The following DNAJC16 variants were observed in gnomAD, a reference collection of about 807,000 sequenced individuals.
The protein encoded by DNAJC16 is DnaJ heat shock protein family (Hsp40) member C16.
A neutral mutation model predicts 92.7 loss-of-function variants in DNAJC16; 76 were observed. The ratio of observed to expected loss-of-function variants is 0.82; its 90% confidence interval spans 0.68 to 0.99. The LOEUF is 0.99. DNAJC16 is among the 50% of genes least tolerant of loss of function. The pLI is 0.00. For missense variants in DNAJC16, 869 were observed against 942.4 expected (o/e 0.92, Z 1.02); for synonymous variants, 328 against 358.7 (o/e 0.91, Z 0.97).
At chr1:15,559,328 G>GCTGCATCATTGCTTTCAGCC (rs1638640491) in intron 7 of DNAJC16, among the ~76,000 whole-genome samples, 198 bp from the exon 8 acceptor site, 1 of 152,178 alleles carries the variant, frequency 6.6e-6, no homozygotes, top group African/African-American at 2.4e-5. Context: ...ACCCGAAATA[G>GCTGCATCATTGCTTTCAGCC]CTGCATCATT....
chr1:15,550,848 A>G lies in DNAJC16; in HGVS notation c.1023+2420A>G, dbSNP rs537522497. On this transcript the variant is annotated intron_variant, in intron 7 of 14. Transcript: ENST00000375847. ...CAATCACTCGCAGCAAAAACAAACC[A>G]CTAGATTCACTTCATGTATTTTGTT... Among the ~76,000 whole-genome samples the G allele has an allele frequency of 2.0e-5, 3 of 152,306 alleles. No homozygotes were observed. The South Asian group carries it at 6.2e-4, about 32-fold the overall frequency.
Position 15,563,689 on chromosome 1 carries a change from A to T in DNAJC16, c.1339-240A>T, listed in dbSNP as rs955018334. On this transcript the variant is annotated intron_variant, in intron 9 of 14. Coordinates refer to ENST00000375847, the MANE Select transcript of DNAJC16 (RefSeq NM_015291.4). ...AAAAAAAAAAAAAAAAAAAAAAAAA[A>T]ATACCAAAAATTAGCCAGGCATGGT... Among the ~76,000 whole-genome samples, 1,444 of 148,432 alleles carry T rather than the reference A, an allele frequency of 9.7e-3. 71 individuals carry two copies. Among genetic ancestry groups the T allele is most frequent in the African/African-American group, 0.033 (1,329 of 40,058 alleles).
intron 1 of DNAJC16, among the ~76,000 whole-genome samples, chr1:15,527,275 C>A (rs1232969523): frequency 6.6e-6 from 1 of 152,164 alleles, no homozygotes; most frequent in Non-Finnish European, 1.5e-5. Flanking sequence ...GCTCCGAGGT[C>A]GGCGCCGTCT....
chr1:15,552,663 T>A (rs1638472916), intron 7 of DNAJC16, among the ~76,000 whole-genome samples: 1 of 151,916 alleles, frequency 6.6e-6, no homozygotes, highest in Non-Finnish European at 1.5e-5. Context: ...TAATTTTTTT[T>A]TAAATTCTTG....
intron 5 of DNAJC16, 96 bp from the exon 6 acceptor site, chr1:15,546,671 T>C: frequency 3.1e-6 from 3 of 973,478 alleles, no homozygotes; most frequent in South Asian, 3.2e-5. Flanking sequence ...TTGCAATCTT[T>C]TACACTTACT....
chr1:15,546,979 T>C (rs1277796437), intron 6 of DNAJC16, 108 bp downstream of exon 6: 15 of 863,912 alleles, frequency 1.7e-5, no homozygotes, highest in Non-Finnish European at 2.7e-5. Context: ...CTATTTGTCT[T>C]TTTTGTAAGA....
chr1:15,562,109 T>C lies in DNAJC16; in HGVS notation c.1155-33T>C, dbSNP rs371888031. 2.7e-5 allele frequency: 43 copies of C among 1,593,220 alleles called. No homozygotes were observed. The African/African-American group carries it at 5.5e-4, about 20-fold the overall frequency. The stretch of plus-strand genomic sequence containing the variant: ...TAGGTGCTGGCCCTGCCATCAGGGA[T>C]TGGTTATAAAGTTTTGTCTTTTTGT... On this transcript the variant is annotated intron_variant, in intron 8 of 14. Transcript: ENST00000375847.
Position 15,567,822 on chromosome 1 carries a change from G to C in DNAJC16, c.1994G>C (p.Arg665Thr), listed in dbSNP as rs375697922. 38 of 1,614,076 alleles carry C rather than the reference G, an allele frequency of 2.4e-5. No individual in the cohort carries two copies. The highest frequency in any genetic ancestry group is 5.0e-5 in the Admixed American group (3 of 59,996). ...HFSFLSLDKH[R>T]EWLEYLLEFA... Reference sequence around the variant, plus strand: ...TCCTTCCTGAGTCTAGATAAACACAGAGAATGGCTAGAATACTTACTAGAA... The same window carrying C: ...TCCTTCCTGAGTCTAGATAAACACACAGAATGGCTAGAATACTTACTAGAA... The change falls in exon 15 of 15, where the codon AGA becomes ACA. Residue 665 changes from arginine to threonine, a missense_variant. Physicochemically the swap from Arg to Thr is moderately conservative, Grantham distance 71. Coordinates refer to ENST00000375847, the MANE Select transcript of DNAJC16 (RefSeq NM_015291.4).
chr1:15,556,220 GTTGTT>G lies in DNAJC16; in HGVS notation c.1024-3278_1024-3274del, dbSNP rs76260170. Among the ~76,000 whole-genome samples, 471 of 150,094 alleles carry G rather than the reference GTTGTT, an allele frequency of 3.1e-3. 6 individuals carry two copies. The highest frequency in any genetic ancestry group is 0.01 in the African/African-American group (419 of 40,710). On this transcript the variant is annotated intron_variant, in intron 7 of 14. Transcript: ENST00000375847. ...GCTGGTATAAGTAATACAGTTGTTG[GTTGTT>G]TTGTTTTGTTTTGTTTTGTTTTGTT...
chr1:15,529,237 T>C lies in DNAJC16; in HGVS notation c.132T>C (p.Asp44=), dbSNP rs1402469455. Residue 44 remains aspartate (D), a synonymous_variant, in exon 2 of 15, where the codon GAT becomes GAC. Transcript: ENST00000375847. The part of the protein sequence containing the change: ...LGVSRTASQA[D]IKKAYKKLAR... ...TCAGCCGAACAGCCAGTCAGGCTGA[T>C]ATTAAAAAGGCTTATAAGAAGCTCG... 1 of 1,613,384 alleles carries C rather than the reference T, an allele frequency of 6.2e-7. No individual in the cohort carries two copies. The highest frequency in any genetic ancestry group is 8.5e-7 in the Non-Finnish European group (1 of 1,179,572).
Position 15,569,687 on chromosome 1 carries a change from C to G in DNAJC16, c.*1510C>G, listed in dbSNP as rs1391953026. ...CAGAGTTTCACTCTTGTTGCCCAGG[C>G]TGGAGTGAAATGGTGCGATCTCGGT... is the stretch of plus-strand genomic sequence containing the variant. On this transcript the variant is annotated 3_prime_UTR_variant, in exon 15 of 15. Transcript: ENST00000375847. 6.9e-6 allele frequency: 1 copy of G among 145,572 alleles called. No homozygotes were observed. The allele number at this position is 145,572 out of a possible 1,614,324, so 9.0% of individuals were successfully genotyped here.
Position 15,536,602 on chromosome 1 carries a change from T to C in DNAJC16, c.362T>C (p.Phe121Ser), listed in dbSNP as rs913355603. 1 of 1,614,198 alleles carries C rather than the reference T, an allele frequency of 6.2e-7. No homozygotes were observed. ...RFRHFHENFY[F>S]DESFFHFPFN... ...CGCCATTTCCATGAAAATTTTTATTTTGATGAATCCTTTTTTCACTTCCCT... is the reference window on the plus strand; with the variant it reads ...CGCCATTTCCATGAAAATTTTTATTCTGATGAATCCTTTTTTCACTTCCCT... The change falls in exon 4 of 15, where the codon TTT (phenylalanine) becomes TCT (serine). Residue 121 changes from phenylalanine to serine, a missense_variant. By Grantham distance (155) the Phe-to-Ser change is radical. Transcript: ENST00000375847.
At chr1:15,546,068 G>T (rs985977788) in intron 5 of DNAJC16, among the ~76,000 whole-genome samples, 2 of 152,176 alleles carry the variant, frequency 1.3e-5, no homozygotes, top group African/African-American at 4.8e-5. Flanking sequence ...ACTTTAGGAG[G>T]CTGAGGTGTG....
rs200056658 is a variant in DNAJC16, at chr1:15,529,262, G to T, written c.157G>T (p.Ala53Ser). The part of the protein sequence containing the change: ...ADIKKAYKKL[A>S]REWHPDKNKD... The stretch of plus-strand genomic sequence containing the variant: ...TATTAAAAAGGCTTATAAGAAGCTC[G>T]CCCGGGAATGGTAGGTGAAACAAAG... Residue 53 changes from alanine (A) to serine (S), a missense_variant, in exon 2 of 15, where the codon GCC becomes TCC. Transcript: ENST00000375847. 6.2e-7 allele frequency: 1 copy of T among 1,607,968 alleles called. No individual in the cohort carries two copies. Among genetic ancestry groups the T allele is most frequent in the East Asian group, 2.2e-5 (1 of 44,718 alleles).
intron 14 of DNAJC16, 106 bp from the exon 15 acceptor site, chr1:15,567,672 C>T (rs370466692): frequency 1.6e-6 from 2 of 1,273,122 alleles, no homozygotes; most frequent in African/African-American, 1.5e-5. Context: ...CCCCATCCAA[C>T]ACAAAGCGTT....
At chr1:15,545,811 T>A (rs1412424839) in intron 5 of DNAJC16, among the ~76,000 whole-genome samples, 1 of 152,208 alleles carries the variant, frequency 6.6e-6, no homozygotes. Context: ...ATATAAATCA[T>A]TCTAGATGCA....
intron 7 of DNAJC16, among the ~76,000 whole-genome samples, chr1:15,556,099 G>A (rs1374376835): frequency 1.3e-5 from 2 of 150,154 alleles, no homozygotes; most frequent in African/African-American, 2.4e-5. Flanking sequence ...TTCAAGACCA[G>A]CCTGGGCAAC....
chr1:15,554,076 A>AC (rs1379315510), intron 7 of DNAJC16, among the ~76,000 whole-genome samples: 1 of 152,050 alleles, frequency 6.6e-6, no homozygotes, highest in East Asian at 1.9e-4. Context: ...GGTGGTACAC[A>AC]CCTGAAGTTC....
intron 9 of DNAJC16, 76 bp from the exon 10 acceptor site, chr1:15,563,847 CAAAAAA>C: frequency 4.5e-6 from 5 of 1,102,588 alleles, no homozygotes; most frequent in Non-Finnish European, 6.1e-6. Flanking sequence ...AAGACTCCGT[CAAAAAA>C]AAAAAAAAAA....
Sources: allele counts gnomAD v4.1 joint callset (sites outside exome capture counted in the v4.1 genomes callset), GRCh38; gene constraint gnomAD v4.1.1; transcripts MANE v1.5; gene names NCBI Gene and HGNC (gene_info 2026-07-23, HGNC 2026-07-21).